The following TUBGCP4 variants were observed in gnomAD, a reference collection of about 807,000 sequenced individuals.
TUBGCP4 encodes tubulin gamma complex component 4, also known as gamma-tubulin complex component 4.
In TUBGCP4, 54 loss-of-function variants were observed where a neutral mutation model predicts 91.6. The observed-to-expected ratio is 0.59, with a 90% CI of 0.47 to 0.74. The LOEUF is 0.74. Ranked by LOEUF, TUBGCP4 falls within the 30% of genes least tolerant of loss-of-function variation. TUBGCP4 has a pLI of 0.00. For synonymous variants in TUBGCP4, 297 were observed against 302.8 expected, an observed-to-expected ratio of 0.98 and a Z score of 0.20; for missense variants, 593 against 800.9, an observed-to-expected ratio of 0.74 and a Z score of 3.13.
At chr15:43,400,809 C>G (rs1288850195) in intron 14 of TUBGCP4, among the ~76,000 whole-genome samples, 2 of 151,832 alleles carry the variant, frequency 1.3e-5, no homozygotes, top group African/African-American at 4.8e-5. Flanking sequence ...TCCCAGCTAC[C>G]TGGGAGGCTG....
intron 16 of TUBGCP4, chr15:43,404,157 C>A: frequency 1.9e-6 from 1 of 538,960 alleles, no homozygotes; most frequent in Non-Finnish European, 3.3e-6. Context: ...AACCCCAGTA[C>A]TTGACAAAAT....
chr15:43,407,765 A>AAAT lies in TUBGCP4; in HGVS notation c.*2553_*2555dup. 1 of 786,648 alleles carries AAAT rather than the reference A, an allele frequency of 1.3e-6. No individual in the cohort carries two copies. Among genetic ancestry groups the AAAT allele is most frequent in the African/African-American group, 1.7e-5 (1 of 57,722 alleles). 48.7% of individuals were successfully genotyped at this position (786,648 alleles called of 1,614,324 possible). A position where few individuals can be genotyped will look rare whatever the true frequency, so the allele number is the denominator to read the frequency against. The stretch of plus-strand genomic sequence containing the variant: ...TGCTGACCTTGTAGAAATATTTAAC[A>AAAT]AATATACGTCCAGTGCTTCACTTAT... On this transcript the variant is annotated 3_prime_UTR_variant, in exon 18 of 18. Transcript: ENST00000564079.
At chr15:43,381,796 A>G (rs940849830) in intron 6 of TUBGCP4, among the ~76,000 whole-genome samples, 3 of 152,152 alleles carry the variant, frequency 2.0e-5, no homozygotes, top group African/African-American at 7.2e-5. Flanking sequence ...ATTTGTTAAC[A>G]TTTGCCACGT....
chr15:43,385,573 C>G (rs1399976687), intron 7 of TUBGCP4: 2 of 545,278 alleles, frequency 3.7e-6, no homozygotes, highest in Non-Finnish European at 6.4e-6. Flanking sequence ...GGGCCCAAAT[C>G]CCAGTATTTA....
At chr15:43,396,544 A>G (rs1595495714) in intron 11 of TUBGCP4, among the ~76,000 whole-genome samples, 1 of 152,388 alleles carries the variant, frequency 6.6e-6, no homozygotes, top group South Asian at 2.1e-4. Flanking sequence ...TAGTACAAAT[A>G]TAAGTACTTG....
intron 7 of TUBGCP4, 74 bp from the exon 8 acceptor site, chr15:43,385,717 A>G: frequency 6.7e-7 from 1 of 1,486,358 alleles, no homozygotes; most frequent in East Asian, 2.3e-5. Flanking sequence ...GGGTTGGGAG[A>G]GTTACTAGGT....
chr15:43,401,616 A>C, intron 14 of TUBGCP4, 100 bp from the exon 15 acceptor site: 4 of 1,256,150 alleles, frequency 3.2e-6, no homozygotes, highest in Non-Finnish European at 4.5e-6. Flanking sequence ...AAGGAAGATG[A>C]GTGGAGGCAA....
At chr15:43,392,297 C>T (rs1246432914) in intron 9 of TUBGCP4, among the ~76,000 whole-genome samples, 1 of 151,530 alleles carries the variant, frequency 6.6e-6, no homozygotes, top group Non-Finnish European at 1.5e-5. Context: ...GACTGTGTCT[C>T]ACAAGTTTTT....
chr15:43,381,736 C>CA (rs2044287945), intron 6 of TUBGCP4, among the ~76,000 whole-genome samples: 1 of 150,892 alleles, frequency 6.6e-6, no homozygotes, highest in African/African-American at 2.4e-5. Context: ...TGTCTCAAAA[C>CA]AAAAAACAAA....
chr15:43,388,600 A>G (rs1319759228), intron 9 of TUBGCP4, among the ~76,000 whole-genome samples: 1 of 152,214 alleles, frequency 6.6e-6, no homozygotes, highest in Non-Finnish European at 1.5e-5. Context: ...CATTTTTATT[A>G]TAAATCTTTG....
rs1362023927 is a variant in TUBGCP4, at chr15:43,405,286, T to G, written c.*72T>G. 3.9e-6 allele frequency: 6 copies of G among 1,536,314 alleles called. No homozygotes were observed. The highest frequency in any genetic ancestry group is 5.4e-6 in the Non-Finnish European group (6 of 1,110,144). On this transcript the variant is annotated 3_prime_UTR_variant, in exon 18 of 18. Coordinates refer to ENST00000564079, the MANE Select transcript of TUBGCP4 (RefSeq NM_014444.5). ...GTAACAGAAGATTCAAAACATCCCA[T>G]TCTAGCCACACACAAATAAATATCT...
chr15:43,386,377 A>ATATTTTTTTTTTTTTTTTTTTTTTT (rs1555394852), intron 9 of TUBGCP4, 47 bp downstream of exon 9: 1 of 19,092 alleles, frequency 5.2e-5, no homozygotes, highest in Non-Finnish European at 8.0e-5. Context: ...ATATATATAT[A>ATATTTTTTTTTTTTTTTTTTTTTTT]TTTTTTTTTT....
chr15:43,376,141 T>C lies in TUBGCP4; in HGVS notation c.122T>C (p.Val41Ala). 6.2e-7 allele frequency: 1 copy of C among 1,614,018 alleles called. No homozygotes were observed. The highest frequency in any genetic ancestry group is 2.2e-5 in the East Asian group (1 of 44,866). Reference protein sequence around the residue: ...FPFLHPSETSVLNRLCRLGTD... With the variant: ...FPFLHPSETSALNRLCRLGTD... ...TTCCTCCACCCCAGTGAGACCAGTG[T>C]CCTGAATCGACTCTGCCGGCTCGGC... The change falls in exon 2 of 18, where the codon GTC (valine) becomes GCC (alanine). Residue 41 changes from valine (V) to alanine (A), a missense_variant. Transcript: ENST00000564079.
chr15:43,391,759 T>C (rs2044471535), intron 9 of TUBGCP4: 1 of 152,128 alleles, frequency 6.6e-6, no homozygotes, highest in South Asian at 2.1e-4. Context: ...TTTTTAAATA[T>C]ATATTTTGGG....
At chr15:43,400,681 T>C (rs1019855063) in intron 14 of TUBGCP4, among the ~76,000 whole-genome samples, 1 of 152,078 alleles carries the variant, frequency 6.6e-6, no homozygotes, top group African/African-American at 2.4e-5. Flanking sequence ...TTTGGGAGGC[T>C]GAGATGGGCG....
In TUBGCP4 at chr15:43,385,726, G is replaced by A. The variant is rs77527770; in HGVS notation, c.724-65G>A. The A allele has an allele frequency of 1.3e-4, 197 of 1,537,474 alleles. 1 individual carries two copies. The East Asian group carries it at 3.6e-3, about 28-fold the overall frequency. On this transcript the variant is annotated intron_variant, in intron 7 of 17. Coordinates refer to ENST00000564079, the MANE Select transcript of TUBGCP4 (RefSeq NM_014444.5). ...AATCATGGGTTGGGAGAGTTACTAG[G>A]TATTTTCTTGTTTTCCTTTTCTTGC...
intron 6 of TUBGCP4, 148 bp from the exon 7 acceptor site, chr15:43,383,155 A>T: frequency 1.7e-6 from 1 of 594,414 alleles, no homozygotes; most frequent in Non-Finnish European, 2.8e-6. Context: ...TCAGTGAGTT[A>T]GTTCACCCAC....
At chr15:43,401,451 CAA>C (rs34185848) in intron 14 of TUBGCP4, among the ~76,000 whole-genome samples, 8 of 112,742 alleles carry the variant, frequency 7.1e-5, no homozygotes, top group Non-Finnish European at 7.4e-5. Flanking sequence ...GACTCCGTCT[CAA>C]AAAAAAAAAA....
rs150991420 is a variant in TUBGCP4, at chr15:43,376,326, T to G, written c.207+100T>G. The G allele has an allele frequency of 5.0e-6, 8 of 1,601,120 alleles. No individual in the cohort carries two copies. In the East Asian group the frequency reaches 1.3e-4, roughly 27 times the overall value. On this transcript the variant is annotated intron_variant, in intron 2 of 17. Coordinates refer to ENST00000564079, the MANE Select transcript of TUBGCP4 (RefSeq NM_014444.5). ...GAGCTATGTCAAGCTTTCAGTGAATTTATCGGTAATTCATGTGAAATAAGT... is the reference window on the plus strand; with the variant it reads ...GAGCTATGTCAAGCTTTCAGTGAATGTATCGGTAATTCATGTGAAATAAGT...
Sources: allele counts gnomAD v4.1 joint callset (sites outside exome capture counted in the v4.1 genomes callset), GRCh38; gene constraint gnomAD v4.1.1; transcripts MANE v1.5; gene names NCBI Gene and HGNC (gene_info 2026-07-23, HGNC 2026-07-21).